Variants in LRIG3 observed in about 807,000 individuals in gnomAD.
LRIG3 encodes leucine rich repeats and immunoglobulin like domains 3, also known as leucine-rich repeats and immunoglobulin-like domains protein 3.
Under a neutral mutation model 114.5 loss-of-function variants are expected in LRIG3, and 76 were observed. That is an observed-to-expected ratio of 0.66 (90% CI 0.55 to 0.80). LRIG3 has a LOEUF of 0.80. Among genes scored for constraint, LRIG3 ranks in the 30% least tolerant of loss-of-function variants. The pLI is 0.00. For missense variants in LRIG3, 1,239 were observed against 1,382.8 expected (o/e 0.90, Z 1.65); for synonymous variants, 512 against 519.8 (o/e 0.98, Z 0.20).
intron 3 of LRIG3, among the ~76,000 whole-genome samples, chr12:58,894,128 A>C (rs1171213814): frequency 6.6e-6 from 1 of 152,208 alleles, no homozygotes; most frequent in African/African-American, 2.4e-5. Flanking sequence ...GTGACGAATA[A>C]AATTTTCCTT....
intron 13 of LRIG3, 149 bp downstream of exon 13, chr12:58,880,432 T>C: frequency 1.2e-6 from 1 of 828,594 alleles, no homozygotes; most frequent in Non-Finnish European, 2.0e-6. Flanking sequence ...CCAAGAATCT[T>C]AATTTTGTGG....
At chr12:58,881,947 C>G (rs138008703) in intron 12 of LRIG3, among the ~76,000 whole-genome samples, 1 of 152,282 alleles carries the variant, frequency 6.6e-6, no homozygotes, top group East Asian at 1.9e-4. Context: ...AACTATGAAA[C>G]AAGGACCATG....
At chr12:58,904,136 C>G (rs945682951) in intron 3 of LRIG3, among the ~76,000 whole-genome samples, 2 of 152,080 alleles carry the variant, frequency 1.3e-5, no homozygotes, top group Non-Finnish European at 2.9e-5. Flanking sequence ...AAATTTAGTA[C>G]TTAAGCAACT....
intron 13 of LRIG3, among the ~76,000 whole-genome samples, chr12:58,879,669 G>A (rs539868524): frequency 1.5e-4 from 23 of 152,342 alleles, no homozygotes; most frequent in African/African-American, 5.3e-4. Context: ...GGATCCTACT[G>A]TAAAACTGTA....
intron 3 of LRIG3, among the ~76,000 whole-genome samples, chr12:58,908,141 T>A (rs1166827182): frequency 2.0e-5 from 3 of 152,210 alleles, no homozygotes; most frequent in Non-Finnish European, 2.9e-5. Flanking sequence ...ATGCATGATG[T>A]GATGGAACCA....
At position 58,890,087 on chromosome 12, in the gene LRIG3, A is replaced by C; in HGVS notation, c.568T>G (p.Leu190Val). 1 of 1,613,900 alleles carries C rather than the reference A, an allele frequency of 6.2e-7. No individual in the cohort carries two copies. The highest frequency in any genetic ancestry group is 1.7e-5 in the Admixed American group (1 of 59,992). Residue 190 changes from leucine (L) to valine (V), a missense_variant, in exon 5 of 19, where the codon TTG becomes GTG. Coordinates refer to ENST00000320743, the MANE Select transcript of LRIG3 (RefSeq NM_153377.5). ...TTTAACACAAGGAGTGTGTTGGCCAAATTGTCAAAATACCCAGGTTCCATT... is the reference window on the plus strand; with the variant it reads ...TTTAACACAAGGAGTGTGTTGGCCACATTGTCAAAATACCCAGGTTCCATT... ...TSMEPGYFDN[L>V]ANTLLVLKLN...
At chr12:58,879,557 G>A (rs1024787737) in intron 13 of LRIG3, among the ~76,000 whole-genome samples, 1 of 152,048 alleles carries the variant, frequency 6.6e-6, no homozygotes, top group Non-Finnish European at 1.5e-5. Flanking sequence ...ACTGTTCTAT[G>A]TGCCAGGCCA....
Position 58,872,609 on chromosome 12 carries a change from C to G in LRIG3, c.3323G>C (p.Arg1108Thr). Residue 1108 changes from arginine to threonine, a missense_variant, in exon 19 of 19, where the codon AGG becomes ACG. Coordinates refer to ENST00000320743, the MANE Select transcript of LRIG3 (RefSeq NM_153377.5). ...GTCATAAGACTGAAAATTTGGAGTC[C>G]TGTAGTTTTCTAAAGTCTGTTTAAA... ...CTFKQTLENY[R>T]TPNFQSYDLD... 6.2e-7 allele frequency: 1 copy of G among 1,613,848 alleles called. No homozygotes were observed. The highest frequency in any genetic ancestry group is 8.5e-7 in the Non-Finnish European group (1 of 1,179,930).
chr12:58,900,588 T>C (rs1219384788), intron 3 of LRIG3, among the ~76,000 whole-genome samples: 2 of 152,190 alleles, frequency 1.3e-5, no homozygotes. Context: ...ATTAAGTTAC[T>C]ATAGTCTGTT....
At chr12:58,899,605 A>G (rs921897531) in intron 3 of LRIG3, among the ~76,000 whole-genome samples, 2 of 151,558 alleles carry the variant, frequency 1.3e-5, no homozygotes, top group Admixed American at 6.6e-5. Context: ...TTCTCTCCAA[A>G]GATATTAAAT....
intron 18 of LRIG3, among the ~76,000 whole-genome samples, chr12:58,873,328 G>A (rs1870799410): frequency 6.6e-6 from 1 of 152,166 alleles, no homozygotes. Context: ...TCCAAAAAAG[G>A]AATATAAATA....
At chr12:58,919,955 T>A in intron 1 of LRIG3, 45 bp downstream of exon 1, 1 of 1,523,084 alleles carries the variant, frequency 6.6e-7, no homozygotes, top group Non-Finnish European at 8.9e-7. Flanking sequence ...TTTTCTCGAA[T>A]CTCCAGCGGC....
chr12:58,887,094 A>T (rs1592298545), intron 8 of LRIG3: 1 of 506,586 alleles, frequency 2.0e-6, no homozygotes, highest in African/African-American at 2.0e-5. Context: ...GTTTTTCCCT[A>T]AAATCCGAAA....
rs188970880 is a variant in LRIG3 at position 58,900,209 on chromosome 12, C to G, written c.384-9413G>C. Among the ~76,000 whole-genome samples, 1,027 of 152,122 alleles carry G rather than the reference C, an allele frequency of 6.8e-3. 8 individuals carry two copies. Among genetic ancestry groups the G allele is most frequent in the Non-Finnish European group, 0.011 (775 of 68,008 alleles). ...CTCCTATACAAAAGTTTTAATCAAT[C>G]CTGTTTTCAGTCCTACTCTGCACTC... On this transcript the variant is annotated intron_variant, in intron 3 of 18. Coordinates refer to ENST00000320743, the MANE Select transcript of LRIG3 (RefSeq NM_153377.5).
intron 3 of LRIG3, among the ~76,000 whole-genome samples, chr12:58,893,292 T>C (rs73354914): frequency 2.0e-3 from 311 of 152,362 alleles, no homozygotes; most frequent in African/African-American, 7.3e-3. Flanking sequence ...TGTGGGTGGA[T>C]TGTCTTTTTC....
At chr12:58,886,458 C>T (rs1379577505) in intron 9 of LRIG3, among the ~76,000 whole-genome samples, 6 of 151,338 alleles carry the variant, frequency 4.0e-5, no homozygotes, top group South Asian at 2.1e-4. Context: ...AAAATTCCTA[C>T]GGGGACAGTA....
At chr12:58,885,791 A>C in intron 10 of LRIG3, 40 bp downstream of exon 10, 15 of 1,377,482 alleles carry the variant, frequency 1.1e-5, no homozygotes, top group Non-Finnish European at 1.4e-5. Context: ...AAACCATCTT[A>C]GAGATTCTCT....
intron 14 of LRIG3, 104 bp downstream of exon 14, chr12:58,878,720 C>T (rs545474020): frequency 1.5e-6 from 2 of 1,322,938 alleles, no homozygotes; most frequent in African/African-American, 1.5e-5. Flanking sequence ...ATGCCCCATA[C>T]ATCTTCATCT....
chr12:58,899,379 G>A lies in LRIG3; in HGVS notation c.384-8583C>T, dbSNP rs1204379060. On this transcript the variant is annotated intron_variant, in intron 3 of 18. Coordinates refer to ENST00000320743, the MANE Select transcript of LRIG3 (RefSeq NM_153377.5). ...TGAAATTCCAATTAGATAAGTGTTA[G>A]CCTTTTTAGTTCATCTTCCGATTTT... is the stretch of plus-strand genomic sequence containing the variant. 2.6e-5 allele frequency among the ~76,000 whole-genome samples: 4 copies of A among 152,068 alleles called. No individual in the cohort carries two copies. In the East Asian group the frequency reaches 5.8e-4, roughly 22 times the overall value.
Sources: allele counts gnomAD v4.1 joint callset (sites outside exome capture counted in the v4.1 genomes callset), GRCh38; gene constraint gnomAD v4.1.1; transcripts MANE v1.5; gene names NCBI Gene and HGNC (gene_info 2026-07-23, HGNC 2026-07-21).